COBL: variants seen among roughly 807,000 people sequenced by gnomAD.
The protein encoded by COBL is cordon-bleu WH2 repeat protein.
In COBL, 51 loss-of-function variants were observed where a neutral mutation model predicts 98.8. That is an observed-to-expected ratio of 0.52 (90% confidence interval 0.41 to 0.65). The LOEUF is 0.65. Ranked by LOEUF, COBL falls within the 30% of genes least tolerant of loss-of-function variation. The pLI is 0.00. For missense variants in COBL, 1,617 were observed against 1,617.5 expected, an observed-to-expected ratio of 1.00 and a Z score of 0.01; for synonymous variants, 634 against 651.7, an observed-to-expected ratio of 0.97 and a Z score of 0.41.
chr7:51,163,659 T>G (rs1388168071), intron 5 of COBL, among the ~76,000 whole-genome samples: 1 of 152,234 alleles, frequency 6.6e-6, no homozygotes, highest in African/African-American at 2.4e-5. Context: ...TATAACAAAC[T>G]TCTTCCTTCT....
At chr7:51,073,889 C>G (rs193196044) in intron 7 of COBL, among the ~76,000 whole-genome samples, 83 of 152,252 alleles carry the variant, frequency 5.5e-4, no homozygotes, top group Admixed American at 2.7e-3. Flanking sequence ...TTAGAGAATA[C>G]TGGTTGATTT....
At chr7:51,308,900 T>A (rs1379951253) in intron 1 of COBL, among the ~76,000 whole-genome samples, 2 of 152,160 alleles carry the variant, frequency 1.3e-5, no homozygotes, top group Non-Finnish European at 2.9e-5. Flanking sequence ...AAGATTACAG[T>A]CTAAACGTCA....
At chr7:51,240,037 T>A (rs1409114259) in intron 1 of COBL, among the ~76,000 whole-genome samples, 1 of 151,734 alleles carries the variant, frequency 6.6e-6, no homozygotes, top group South Asian at 2.1e-4. Context: ...TCTCATATAA[T>A]TTTTTTATAT....
intron 2 of COBL, among the ~76,000 whole-genome samples, chr7:51,206,431 G>A (rs1791714473): frequency 6.7e-6 from 1 of 149,896 alleles, no homozygotes; most frequent in South Asian, 2.1e-4. Flanking sequence ...GGCAAAGATT[G>A]CACTGAGCCG....
intron 2 of COBL, among the ~76,000 whole-genome samples, chr7:51,195,218 T>A (rs1790481158): frequency 6.6e-6 from 1 of 152,234 alleles, no homozygotes; most frequent in Non-Finnish European, 1.5e-5. Context: ...GGGTCTAGTT[T>A]CAATCTTCTG....
intron 1 of COBL, among the ~76,000 whole-genome samples, chr7:51,268,834 G>A (rs1380250875): frequency 1.3e-5 from 2 of 151,770 alleles, no homozygotes; most frequent in Non-Finnish European, 2.9e-5. Context: ...GGAGGCTGAG[G>A]CAGGAGAATC....
intron 1 of COBL, among the ~76,000 whole-genome samples, chr7:51,224,719 A>G (rs1794016240): frequency 6.6e-6 from 1 of 151,958 alleles, no homozygotes; most frequent in Non-Finnish European, 1.5e-5. Flanking sequence ...GCAATGGCGC[A>G]ATCTTGGCTC....
At chr7:51,150,965 C>T (rs899791909) in intron 5 of COBL, among the ~76,000 whole-genome samples, 8 of 152,124 alleles carry the variant, frequency 5.3e-5, no homozygotes, top group African/African-American at 1.7e-4. Flanking sequence ...GCAAGAGTCA[C>T]CTGCCCCCCT....
At chr7:51,035,884 G>A (rs1227900144) in intron 8 of COBL, 1 of 152,176 alleles carries the variant, frequency 6.6e-6, no homozygotes, top group African/African-American at 2.4e-5. Context: ...CAGTCACAAA[G>A]TTTCAGAGTT....
intron 5 of COBL, among the ~76,000 whole-genome samples, chr7:51,157,057 C>T (rs914116215): frequency 6.6e-6 from 1 of 152,162 alleles, no homozygotes; most frequent in African/African-American, 2.4e-5. Flanking sequence ...TGCCCCAATA[C>T]CTCAAATCAG....
intron 1 of COBL, among the ~76,000 whole-genome samples, chr7:51,221,303 C>T (rs1020237505): frequency 2.0e-5 from 3 of 152,168 alleles, no homozygotes; most frequent in African/African-American, 7.2e-5. Context: ...ATCAGAGACA[C>T]AGGAATTCCT....
chr7:51,158,366 C>T (rs956020483), intron 5 of COBL, among the ~76,000 whole-genome samples: 5 of 152,174 alleles, frequency 3.3e-5, no homozygotes, highest in Non-Finnish European at 4.4e-5. Flanking sequence ...TACCGGATGG[C>T]GGAAGGGCAG....
rs76293142 is a variant in COBL, at chr7:51,065,261, C to G, written c.1096+19905G>C. 1.0e-3 allele frequency: 732 copies of G among 703,184 alleles called. 4 individuals carry two copies. In the African/African-American group the frequency reaches 0.011, roughly 11 times the overall value. 43.6% of individuals were successfully genotyped at this position (703,184 alleles called of 1,614,324 possible). A position where few individuals can be genotyped will look rare whatever the true frequency, so the allele number is the denominator to read the frequency against. ...ATGCATTCACAAATGCTTGAAAGAC[C>G]CAAGAGAAGGCTGAGCAGTGACTGG... On this transcript the variant is annotated intron_variant, in intron 7 of 12. Transcript: ENST00000265136.
At chr7:51,113,313 T>C (rs1796999738) in intron 6 of COBL, among the ~76,000 whole-genome samples, 1 of 152,236 alleles carries the variant, frequency 6.6e-6, no homozygotes, top group Non-Finnish European at 1.5e-5. Context: ...CTTACCAGGC[T>C]TACTGTTCTA....
intron 1 of COBL, among the ~76,000 whole-genome samples, chr7:51,224,181 A>C (rs1793941795): frequency 6.6e-6 from 1 of 152,208 alleles, no homozygotes; most frequent in Non-Finnish European, 1.5e-5. Context: ...ACATTCTGTG[A>C]TGTTCACCCA....
intron 6 of COBL, among the ~76,000 whole-genome samples, chr7:51,119,968 C>T (rs186116086): frequency 1.6e-3 from 243 of 152,252 alleles, no homozygotes; most frequent in Non-Finnish European, 2.7e-3. Flanking sequence ...ACCACACAGC[C>T]TCTAAACCAG....
intron 8 of COBL, among the ~76,000 whole-genome samples, chr7:51,043,101 T>C (rs1382911494): frequency 6.6e-5 from 10 of 152,208 alleles, no homozygotes; most frequent in Admixed American, 6.5e-4. Context: ...AACACAGATA[T>C]CATCATGGAT....
chr7:51,071,153 T>A (rs1489383865), intron 7 of COBL: 1 of 152,162 alleles, frequency 6.6e-6, no homozygotes, highest in Non-Finnish European at 1.5e-5. Context: ...CCATCTTTTG[T>A]GGATAGGGTG....
chr7:51,260,704 T>C (rs1426258448), intron 1 of COBL, among the ~76,000 whole-genome samples: 1 of 151,982 alleles, frequency 6.6e-6, no homozygotes, highest in African/African-American at 2.4e-5. Context: ...ATGGGAAAGG[T>C]TGTGGGATGT....
Sources: allele counts gnomAD v4.1 joint callset (sites outside exome capture counted in the v4.1 genomes callset), GRCh38; gene constraint gnomAD v4.1.1; transcripts MANE v1.5; gene names NCBI Gene and HGNC (gene_info 2026-07-23, HGNC 2026-07-21).